RBFOX1: variants seen among roughly 807,000 people sequenced by gnomAD.
RBFOX1 encodes RNA binding fox-1 homolog 1.
A neutral mutation model predicts 57.7 loss-of-function variants in RBFOX1; 8 were observed. That is an observed-to-expected ratio of 0.14 (90% CI 0.08 to 0.25). RBFOX1 has a LOEUF of 0.25. Ranked by LOEUF, RBFOX1 falls within the 10% of genes least tolerant of loss-of-function variation. The probability of loss-of-function intolerance (pLI) is 1.00; values close to 1 mark genes in which losing one functional copy is unlikely to be tolerated. For synonymous variants in RBFOX1, 326 were observed against 222.4 expected (o/e 1.47, Z -4.15); for missense variants, 611 against 548.5 (o/e 1.11, Z -1.14).
chr16:6,917,487 C>T (rs1010779761), intron 3 of RBFOX1, among the ~76,000 whole-genome samples: 5 of 152,174 alleles, frequency 3.3e-5, no homozygotes, highest in African/African-American at 7.2e-5. Flanking sequence ...TTCTTTAAAC[C>T]TGAAAGGAAG....
chr16:5,764,530 C>T (rs1030207737), intron 3 of RBFOX1, among the ~76,000 whole-genome samples: 3 of 152,216 alleles, frequency 2.0e-5, no homozygotes, highest in Non-Finnish European at 2.9e-5. Context: ...AATGGCTTAA[C>T]ACAGCTTCCC....
At chr16:6,325,204 A>C (rs1179781962) in intron 2 of RBFOX1, among the ~76,000 whole-genome samples, 1 of 151,966 alleles carries the variant, frequency 6.6e-6, no homozygotes, top group Non-Finnish European at 1.5e-5. Context: ...TAAAATGTTT[A>C]AAAAATTATC....
chr16:5,261,558 T>TG (rs1316720312), intron 1 of RBFOX1, among the ~76,000 whole-genome samples: 1 of 150,088 alleles, frequency 6.7e-6, no homozygotes, highest in Admixed American at 6.6e-5. Context: ...GGTTTTTTTT[T>TG]TTTTTTTTTG....
chr16:6,396,772 GAGA>G (rs1165393000), intron 2 of RBFOX1, among the ~76,000 whole-genome samples: 1 of 152,104 alleles, frequency 6.6e-6, no homozygotes, highest in Non-Finnish European at 1.5e-5. Flanking sequence ...TCATAGTCAT[GAGA>G]AGAAGCAGTT....
intron 1 of RBFOX1, among the ~76,000 whole-genome samples, chr16:5,402,893 G>T (rs925533241): frequency 6.6e-6 from 1 of 152,172 alleles, no homozygotes; most frequent in Non-Finnish European, 1.5e-5. Context: ...AAACAAGAGA[G>T]ATAATTAACA....
At chr16:6,923,642 G>A (rs944979102) in intron 3 of RBFOX1, among the ~76,000 whole-genome samples, 12 of 152,118 alleles carry the variant, frequency 7.9e-5, no homozygotes, top group African/African-American at 2.9e-4. Flanking sequence ...GGGGAGCATG[G>A]AAGATGCATC....
intron 3 of RBFOX1, among the ~76,000 whole-genome samples, chr16:6,677,703 A>T (rs1271568285): frequency 6.6e-6 from 1 of 152,234 alleles, no homozygotes; most frequent in African/African-American, 2.4e-5. Context: ...CATGTGAGCC[A>T]TGAAATCCTT....
At chr16:5,427,332 C>T (rs1011872931) in intron 1 of RBFOX1, among the ~76,000 whole-genome samples, 1 of 152,168 alleles carries the variant, frequency 6.6e-6, no homozygotes, top group African/African-American at 2.4e-5. Flanking sequence ...TGCCTTTAAT[C>T]CCAGCACTTT....
At chr16:6,983,190 G>C (rs1054629771) in intron 3 of RBFOX1, among the ~76,000 whole-genome samples, 1 of 151,876 alleles carries the variant, frequency 6.6e-6, no homozygotes, top group African/African-American at 2.4e-5. Context: ...CCTTTCCTTG[G>C]GTAGTACTCA....
chr16:7,675,241 C>G (rs1034506185), intron 13 of RBFOX1, among the ~76,000 whole-genome samples: 2 of 145,790 alleles, frequency 1.4e-5, no homozygotes, highest in South Asian at 4.9e-4. Context: ...TAGTCCGTCA[C>G]TCTGTTGAAC....
intron 2 of RBFOX1, among the ~76,000 whole-genome samples, chr16:5,504,485 T>C (rs551254043): frequency 6.6e-6 from 1 of 152,368 alleles, no homozygotes; most frequent in East Asian, 1.9e-4. Context: ...AGGCAGTCAC[T>C]GTCCACACAC....
chr16:5,349,130 CAT>C (rs2065206515), intron 1 of RBFOX1, among the ~76,000 whole-genome samples: 1 of 152,182 alleles, frequency 6.6e-6, no homozygotes, highest in African/African-American at 2.4e-5. Flanking sequence ...GAAATCCCGA[CAT>C]ATGCAACAAC....
intron 5 of RBFOX1, among the ~76,000 whole-genome samples, chr16:7,576,191 T>C (rs1330597225): frequency 1.3e-5 from 2 of 151,992 alleles, no homozygotes; most frequent in Admixed American, 1.3e-4. Flanking sequence ...GCCAAAGTGC[T>C]GGGATTACAG....
intron 5 of RBFOX1, among the ~76,000 whole-genome samples, chr16:7,527,395 C>T (rs1184708259): frequency 1.3e-5 from 2 of 152,088 alleles, no homozygotes; most frequent in Non-Finnish European, 2.9e-5. Flanking sequence ...AATGATTTAT[C>T]CCAACTTAGG....
At chr16:6,380,519 A>T (rs915523160) in intron 2 of RBFOX1, among the ~76,000 whole-genome samples, 2 of 147,288 alleles carry the variant, frequency 1.4e-5, no homozygotes, top group African/African-American at 5.0e-5. Context: ...GCAGCACAGA[A>T]AGGAAGGTGA....
intron 4 of RBFOX1, among the ~76,000 whole-genome samples, chr16:7,420,544 G>C (rs144824904): frequency 2.0e-5 from 3 of 152,082 alleles, no homozygotes; most frequent in Non-Finnish European, 2.9e-5. Context: ...TTTTCTGCAA[G>C]AGCTTTCCTC....
intron 4 of RBFOX1, chr16:7,510,276 G>C (rs982649405): frequency 6.1e-6 from 6 of 985,804 alleles, no homozygotes; most frequent in Non-Finnish European, 6.0e-6. Flanking sequence ...CAGCTGCTAA[G>C]TTTATGGAGG....
chr16:5,758,847 T>C (rs1484852144), intron 3 of RBFOX1, among the ~76,000 whole-genome samples: 1 of 152,176 alleles, frequency 6.6e-6, no homozygotes, highest in African/African-American at 2.4e-5. Context: ...AAAAGGTTTG[T>C]TAATGTCCCA....
At chr16:5,528,325 G>C (rs977972275) in intron 2 of RBFOX1, among the ~76,000 whole-genome samples, 4 of 152,112 alleles carry the variant, frequency 2.6e-5, no homozygotes, top group Admixed American at 2.0e-4. Context: ...GCGTGACTCA[G>C]TAGATCTGGG....
Sources: allele counts gnomAD v4.1 joint callset (sites outside exome capture counted in the v4.1 genomes callset), GRCh38; gene constraint gnomAD v4.1.1; transcripts MANE v1.5; gene names NCBI Gene and HGNC (gene_info 2026-07-23, HGNC 2026-07-21).